The following SERP1 variants were observed in gnomAD, a reference collection of about 807,000 sequenced individuals.
SERP1 encodes the protein stress associated endoplasmic reticulum protein 1, also known as stress-associated endoplasmic reticulum protein 1.
Under a neutral mutation model 8.8 loss-of-function variants are expected in SERP1, and 6 were observed. The ratio of observed to expected loss-of-function variants is 0.68; its 90% CI spans 0.37 to 1.35. The LOEUF (loss-of-function observed/expected upper bound fraction) is 1.35. Among genes scored for constraint, SERP1 ranks in the 40% most tolerant of loss-of-function variants. The probability of loss-of-function intolerance (pLI) is 0.02; values close to 1 mark genes in which losing one functional copy is unlikely to be tolerated. For missense variants in SERP1, 52 were observed against 86.2 expected, an observed-to-expected ratio of 0.60 and a Z score of 1.57; for synonymous variants, 36 against 28.7, an observed-to-expected ratio of 1.25 and a Z score of -0.81.
chr3:150,544,406 G>A lies in SERP1; in HGVS notation c.*52C>T. The A allele has an allele frequency of 6.7e-7, 1 of 1,492,442 alleles. No individual in the cohort carries two copies. The highest frequency in any genetic ancestry group is 9.3e-7 in the Non-Finnish European group (1 of 1,069,796). 92.4% of individuals were successfully genotyped at this position (1,492,442 alleles called of 1,614,324 possible). On this transcript the variant is annotated 3_prime_UTR_variant, in exon 3 of 3. Coordinates refer to ENST00000239944, the MANE Select transcript of SERP1 (RefSeq NM_014445.4). Reference sequence around the variant, plus strand: ...AACCAGGGTATCAAACATCAGGAATGAGTTCAAGTTAAAATTCACAGGAGA... The same window carrying A: ...AACCAGGGTATCAAACATCAGGAATAAGTTCAAGTTAAAATTCACAGGAGA...
At chr3:150,544,968 G>A (rs970157342) in intron 2 of SERP1, among the ~76,000 whole-genome samples, 1 of 152,180 alleles carries the variant, frequency 6.6e-6, no homozygotes, top group Admixed American at 6.5e-5. Context: ...AAGAAGAAAG[G>A]CAAAGTGAAA....
Position 150,546,347 on chromosome 3 carries a change from G to A in SERP1, c.-212C>T. The A allele has an allele frequency of 1.7e-5, 10 of 594,312 alleles. 1 individual carries two copies. Among genetic ancestry groups the A allele is most frequent in the Non-Finnish European group, 2.6e-5 (9 of 346,958 alleles). The allele number at this position is 594,312 out of a possible 1,614,324, so 36.8% of individuals were successfully genotyped here. On this transcript the variant is annotated 5_prime_UTR_variant, in exon 1 of 3. Coordinates refer to ENST00000239944, the MANE Select transcript of SERP1 (RefSeq NM_014445.4). ...CGCCGGCCGCCGACTGACTGACCGAGCGGGGCAGGTGCGCAGGAGGAAGAG... is the reference window on the plus strand; with the variant it reads ...CGCCGGCCGCCGACTGACTGACCGAACGGGGCAGGTGCGCAGGAGGAAGAG...
chr3:150,545,494 A>G, intron 2 of SERP1: 14 of 568,596 alleles, frequency 2.5e-5, no homozygotes, highest in South Asian at 1.4e-4. Flanking sequence ...TCCTGTGAGT[A>G]CAAATTAAGC....
In SERP1 at chr3:150,542,267, T is replaced by TA. The variant is rs1722891030; in HGVS notation, c.*2190_*2191insT. The TA allele has an allele frequency of 6.6e-6, 1 of 152,212 alleles. No homozygotes were observed. The highest frequency in any genetic ancestry group is 1.9e-4 in the East Asian group (1 of 5,202). 9.4% of individuals were successfully genotyped at this position (152,212 alleles called of 1,614,324 possible). On this transcript the variant is annotated 3_prime_UTR_variant, in exon 3 of 3. Coordinates refer to ENST00000239944, the MANE Select transcript of SERP1 (RefSeq NM_014445.4). ...AACTGGCAAAGGGAGATCAAAGAAT[T>TA]GTGCTTCATCTTGAGCTTGAATTGG...
In SERP1 at chr3:150,544,480, T is replaced by C; in HGVS notation, c.179A>G (p.Gln60Arg). 6.2e-7 allele frequency: 1 copy of C among 1,612,766 alleles called. No homozygotes were observed. Residue 60 changes from glutamine to arginine, a missense_variant, in exon 3 of 3, where the codon CAA becomes CGA. Physicochemically the swap from Gln to Arg is conservative, Grantham distance 43. Transcript: ENST00000239944. The part of the protein sequence containing the change: ...VCGSAIFQII[Q>R]SIRMGM ...ACTTCACATGCCCATCCTGATACTT[T>C]GAATAATCTGGAAAATTGCTGTAAA...
rs1294117590 is a variant in SERP1 at position 150,546,359 on chromosome 3, C to G, written c.-224G>C. 1 of 580,258 alleles carries G rather than the reference C, an allele frequency of 1.7e-6. No individual in the cohort carries two copies. Among genetic ancestry groups the G allele is most frequent in the African/African-American group, 2.0e-5 (1 of 51,036 alleles). 35.9% of individuals were successfully genotyped at this position (580,258 alleles called of 1,614,324 possible). A position where few individuals can be genotyped will look rare whatever the true frequency, so the allele number is the denominator to read the frequency against. On this transcript the variant is annotated 5_prime_UTR_variant, in exon 1 of 3. Coordinates refer to ENST00000239944, the MANE Select transcript of SERP1 (RefSeq NM_014445.4). The stretch of plus-strand genomic sequence containing the variant: ...ACTGACTGACCGAGCGGGGCAGGTG[C>G]GCAGGAGGAAGAGAACTGGCCGCCG...
chr3:150,546,353 C>A lies in SERP1; in HGVS notation c.-218G>T, dbSNP rs11548120. 1,882 of 584,864 alleles carry A rather than the reference C, an allele frequency of 3.2e-3. 9 individuals are homozygous for A. The highest frequency in any genetic ancestry group is 3.2e-3 in the Non-Finnish European group (1,086 of 338,176). The allele number at this position is 584,864 out of a possible 1,614,324, so 36.2% of individuals were successfully genotyped here. A position where few individuals can be genotyped will look rare whatever the true frequency, so the allele number is the denominator to read the frequency against. Reference sequence around the variant, plus strand: ...CCGCCGACTGACTGACCGAGCGGGGCAGGTGCGCAGGAGGAAGAGAACTGG... The same window carrying A: ...CCGCCGACTGACTGACCGAGCGGGGAAGGTGCGCAGGAGGAAGAGAACTGG... On this transcript the variant is annotated 5_prime_UTR_variant, in exon 1 of 3. Coordinates refer to ENST00000239944, the MANE Select transcript of SERP1 (RefSeq NM_014445.4).
chr3:150,545,386 G>A, intron 2 of SERP1: 1 of 435,188 alleles, frequency 2.3e-6, no homozygotes, highest in Non-Finnish European at 4.1e-6. Context: ...TGATAATGGA[G>A]TTACAAAACA....
In SERP1 at chr3:150,546,173, A is replaced by G. The variant is rs1463352805; in HGVS notation, c.-38T>C. The stretch of plus-strand genomic sequence containing the variant: ...ACCACCTGCCCCGGCCACCCCTCGG[A>G]CTCGCTCACTCGCCTGCCTCCTCTG... On this transcript the variant is annotated 5_prime_UTR_variant, in exon 1 of 3. Transcript: ENST00000239944. 4.4e-6 allele frequency: 7 copies of G among 1,600,462 alleles called. No individual in the cohort carries two copies. Among genetic ancestry groups the G allele is most frequent in the Non-Finnish European group, 5.1e-6 (6 of 1,172,002 alleles).
chr3:150,546,221 G>T lies in SERP1; in HGVS notation c.-86C>A. 1.4e-6 allele frequency: 2 copies of T among 1,465,236 alleles called. No individual in the cohort carries two copies. The highest frequency in any genetic ancestry group is 1.9e-6 in the Non-Finnish European group (2 of 1,061,756). 90.8% of individuals were successfully genotyped at this position (1,465,236 alleles called of 1,614,324 possible). A position where few individuals can be genotyped will look rare whatever the true frequency, so the allele number is the denominator to read the frequency against. On this transcript the variant is annotated 5_prime_UTR_variant, in exon 1 of 3. Coordinates refer to ENST00000239944, the MANE Select transcript of SERP1 (RefSeq NM_014445.4). ...CTGGAGCCGCTGCGAGGCTCGGCTCGTGGTGCCCGCGCCGCCGGAGCGCCG... is the reference window on the plus strand; with the variant it reads ...CTGGAGCCGCTGCGAGGCTCGGCTCTTGGTGCCCGCGCCGCCGGAGCGCCG...
At chr3:150,544,986 C>T (rs368170921) in intron 2 of SERP1, among the ~76,000 whole-genome samples, 3 of 152,162 alleles carry the variant, frequency 2.0e-5, no homozygotes, top group Non-Finnish European at 4.4e-5. Flanking sequence ...AAACGTTAAA[C>T]AGAAATCTCA....
At position 150,546,228 on chromosome 3, in the gene SERP1, C is replaced by A; in HGVS notation, c.-93G>T. 1 of 1,431,684 alleles carries A rather than the reference C, an allele frequency of 7.0e-7. No homozygotes were observed. Among genetic ancestry groups the A allele is most frequent in the East Asian group, 2.3e-5 (1 of 43,720 alleles). 88.7% of individuals were successfully genotyped at this position (1,431,684 alleles called of 1,614,324 possible). A position where few individuals can be genotyped will look rare whatever the true frequency, so the allele number is the denominator to read the frequency against. On this transcript the variant is annotated 5_prime_UTR_variant, in exon 1 of 3. Transcript: ENST00000239944. ...CGCTGCGAGGCTCGGCTCGTGGTGC[C>A]CGCGCCGCCGGAGCGCCGAGGTTCT...
In SERP1 at chr3:150,546,145, G is replaced by C. The variant is rs755050767; in HGVS notation, c.-10C>G. 6.2e-7 allele frequency: 1 copy of C among 1,612,206 alleles called. No individual in the cohort carries two copies. The highest frequency in any genetic ancestry group is 1.7e-5 in the Admixed American group (1 of 60,016). ...TTTGCTTGGCGACCATCTTCGCGGC[G>C]CCACCACCTGCCCCGGCCACCCCTC... On this transcript the variant is annotated 5_prime_UTR_variant, in exon 1 of 3. Coordinates refer to ENST00000239944, the MANE Select transcript of SERP1 (RefSeq NM_014445.4).
At position 150,543,422 on chromosome 3, in the gene SERP1, CTGA is replaced by C. The variant is rs1722919016; in HGVS notation, c.*1033_*1035del. ...ATTCAATTCCAGATGCCACTTTAGG[CTGA>C]TGTGTCTAGTACCCTAATGATTGAA... On this transcript the variant is annotated 3_prime_UTR_variant, in exon 3 of 3. Coordinates refer to ENST00000239944, the MANE Select transcript of SERP1 (RefSeq NM_014445.4). The C allele has an allele frequency of 1.3e-5, 2 of 152,726 alleles. No individual in the cohort carries two copies. Among genetic ancestry groups the C allele is most frequent in the South Asian group, 4.1e-4 (2 of 4,832 alleles). The allele number at this position is 152,726 out of a possible 1,614,324, so 9.5% of individuals were successfully genotyped here.
chr3:150,546,180 C>T lies in SERP1; in HGVS notation c.-45G>A. The stretch of plus-strand genomic sequence containing the variant: ...GCCCCGGCCACCCCTCGGACTCGCT[C>T]ACTCGCCTGCCTCCTCTGGAGCCGC... On this transcript the variant is annotated 5_prime_UTR_variant, in exon 1 of 3. Coordinates refer to ENST00000239944, the MANE Select transcript of SERP1 (RefSeq NM_014445.4). 6.3e-7 allele frequency: 1 copy of T among 1,598,964 alleles called. No homozygotes were observed. Among genetic ancestry groups the T allele is most frequent in the African/African-American group, 1.3e-5 (1 of 74,868 alleles).
In SERP1 at chr3:150,543,555, T is replaced by C. The variant is rs1722921640; in HGVS notation, c.*903A>G. 1 of 152,634 alleles carries C rather than the reference T, an allele frequency of 6.6e-6. No homozygotes were observed. The highest frequency in any genetic ancestry group is 1.5e-5 in the Non-Finnish European group (1 of 68,022). The allele number at this position is 152,634 out of a possible 1,614,324, so 9.5% of individuals were successfully genotyped here. On this transcript the variant is annotated 3_prime_UTR_variant, in exon 3 of 3. Transcript: ENST00000239944. ...CTATTTAACATGCTAAAATGTCTTA[T>C]GGCACATTGGACTCAACAGCATGTT...
intron 2 of SERP1, among the ~76,000 whole-genome samples, chr3:150,544,936 G>A (rs375262932): frequency 6.6e-6 from 1 of 152,150 alleles, no homozygotes; most frequent in Non-Finnish European, 1.5e-5. Flanking sequence ...CATTTATCAG[G>A]AAAGCTTCCA....
At chr3:150,545,562 C>CT (rs1722971669) in intron 2 of SERP1, 141 bp downstream of exon 2, 3 of 778,508 alleles carry the variant, frequency 3.9e-6, no homozygotes, top group African/African-American at 1.8e-5. Flanking sequence ...TAATTTGGTT[C>CT]AGACGAAACA....
chr3:150,544,129 CAG>C lies in SERP1; in HGVS notation c.*327_*328del, dbSNP rs375888313. ...TAACAAAATCTAGACCCTGTCTATG[CAG>C]AGTTAGACTAATTGTTCATACTGTT... is the stretch of plus-strand genomic sequence containing the variant. On this transcript the variant is annotated 3_prime_UTR_variant, in exon 3 of 3. Transcript: ENST00000239944. The C allele has an allele frequency of 3.9e-4, 99 of 251,756 alleles. 1 individual carries two copies. The East Asian group carries it at 5.7e-3, about 14-fold the overall frequency. The allele number at this position is 251,756 out of a possible 1,614,324, so 15.6% of individuals were successfully genotyped here.
Sources: allele counts gnomAD v4.1 joint callset (sites outside exome capture counted in the v4.1 genomes callset), GRCh38; gene constraint gnomAD v4.1.1; transcripts MANE v1.5; gene names NCBI Gene and HGNC (gene_info 2026-07-23, HGNC 2026-07-21).